FAM117B: variants seen among roughly 807,000 people sequenced by gnomAD.
FAM117B encodes family with sequence similarity 117 member B.
In FAM117B, 22 loss-of-function variants were observed where a neutral mutation model predicts 52.8. The ratio of observed to expected loss-of-function variants is 0.42; its 90% CI spans 0.30 to 0.59. The LOEUF (loss-of-function observed/expected upper bound fraction) is 0.59. Ranked by LOEUF, FAM117B falls within the 20% of genes least tolerant of loss-of-function variation. The probability of loss-of-function intolerance (pLI) is 0.22; values close to 1 mark genes in which losing one functional copy is unlikely to be tolerated. For missense variants in FAM117B, 678 were observed against 802.6 expected, an observed-to-expected ratio of 0.84 and a Z score of 1.88; for synonymous variants, 309 against 324.1, an observed-to-expected ratio of 0.95 and a Z score of 0.50.
At chr2:202,744,746 G>A (rs1343216269) in intron 4 of FAM117B, among the ~76,000 whole-genome samples, 4 of 151,946 alleles carry the variant, frequency 2.6e-5, no homozygotes, top group Non-Finnish European at 5.9e-5. Flanking sequence ...GTACAAGGTG[G>A]GCAGATCACC....
At chr2:202,743,009 A>C (rs1257836835) in intron 4 of FAM117B, among the ~76,000 whole-genome samples, 1 of 152,052 alleles carries the variant, frequency 6.6e-6, no homozygotes, top group African/African-American at 2.4e-5. Flanking sequence ...CCAACACCAC[A>C]CACAATGCCC....
At chr2:202,685,673 T>C (rs1205363589) in intron 1 of FAM117B, among the ~76,000 whole-genome samples, 1 of 152,214 alleles carries the variant, frequency 6.6e-6, no homozygotes, top group Non-Finnish European at 1.5e-5. Context: ...CCTAAGGTAA[T>C]TCAGTGGGAG....
chr2:202,673,338 A>G (rs1316544132), intron 1 of FAM117B, among the ~76,000 whole-genome samples: 9 of 151,276 alleles, frequency 5.9e-5, no homozygotes, highest in Admixed American at 5.9e-4. Context: ...TTCACCATTA[A>G]GTAGTTCCTC....
intron 1 of FAM117B, among the ~76,000 whole-genome samples, chr2:202,680,994 A>G (rs1690456281): frequency 6.6e-6 from 1 of 152,226 alleles, no homozygotes; most frequent in Admixed American, 6.5e-5. Flanking sequence ...TGTATTGTGT[A>G]TATATAGACA....
rs1000091738 is a variant in FAM117B, at chr2:202,686,091, A to G, written c.602-9790A>G. On this transcript the variant is annotated intron_variant, in intron 1 of 7. Coordinates refer to ENST00000392238, the MANE Select transcript of FAM117B (RefSeq NM_173511.4). The stretch of plus-strand genomic sequence containing the variant: ...AATTCAATAAGAAGACAAACCTATC[A>G]GTTAAAAAATGGACAATGGATTTGA... Among the ~76,000 whole-genome samples the G allele has an allele frequency of 1.7e-4, 26 of 152,382 alleles. 2 individuals carry two copies. Among genetic ancestry groups the G allele is most frequent in the South Asian group, 1.2e-3 (6 of 4,828 alleles).
At chr2:202,663,141 A>G (rs1690155494) in intron 1 of FAM117B, among the ~76,000 whole-genome samples, 2 of 152,242 alleles carry the variant, frequency 1.3e-5, no homozygotes, top group African/African-American at 4.8e-5. Flanking sequence ...CAACATTTTA[A>G]TTGCTATGTA....
In FAM117B at chr2:202,675,670, C is replaced by A. The variant is rs1474255447; in HGVS notation, c.602-20211C>A. ...CTCCTTTTTAATGTGTGAGCAGAACCTAGTGACTCAATTCTAACAAAAGAA... is the reference window on the plus strand; with the variant it reads ...CTCCTTTTTAATGTGTGAGCAGAACATAGTGACTCAATTCTAACAAAAGAA... On this transcript the variant is annotated intron_variant, in intron 1 of 7. Coordinates refer to ENST00000392238, the MANE Select transcript of FAM117B (RefSeq NM_173511.4). 2.0e-5 allele frequency among the ~76,000 whole-genome samples: 3 copies of A among 151,898 alleles called. No homozygotes were observed. In the South Asian group the frequency reaches 6.2e-4, roughly 32 times the overall value.
intron 1 of FAM117B, among the ~76,000 whole-genome samples, chr2:202,672,966 T>C (rs1361234499): frequency 6.6e-6 from 1 of 152,116 alleles, no homozygotes; most frequent in East Asian, 1.9e-4. Flanking sequence ...GCGGATTGCT[T>C]GAGCCTGGAA....
rs557687014 is a variant in FAM117B, at chr2:202,757,533, G to A, written c.1330+95G>A. 247 of 1,274,444 alleles carry A rather than the reference G, an allele frequency of 1.9e-4. 3 individuals carry two copies. The South Asian group carries it at 3.2e-3, about 17-fold the overall frequency. 78.9% of individuals were successfully genotyped at this position (1,274,444 alleles called of 1,614,324 possible). Reference sequence around the variant, plus strand: ...ATTTTCTAGCAGAACACACACACTCGAGGCTACTCAGTTAATGTGTTCAAA... The same window carrying A: ...ATTTTCTAGCAGAACACACACACTCAAGGCTACTCAGTTAATGTGTTCAAA... On this transcript the variant is annotated intron_variant, in intron 6 of 7. Coordinates refer to ENST00000392238, the MANE Select transcript of FAM117B (RefSeq NM_173511.4).
At chr2:202,659,879 A>C (rs1690104135) in intron 1 of FAM117B, among the ~76,000 whole-genome samples, 1 of 151,790 alleles carries the variant, frequency 6.6e-6, no homozygotes, top group African/African-American at 2.4e-5. Context: ...TCGGCCTCCC[A>C]AAGTGCTGGG....
chr2:202,766,069 C>T lies in FAM117B; in HGVS notation c.*305C>T. 5.6e-6 allele frequency: 1 copy of T among 179,582 alleles called. No homozygotes were observed. Among genetic ancestry groups the T allele is most frequent in the Non-Finnish European group, 1.0e-5 (1 of 98,752 alleles). 11.1% of individuals were successfully genotyped at this position (179,582 alleles called of 1,614,324 possible). ...GAATTAGACTTCTTTAAAACACACA[C>T]ACACACACACACACACACACACACA... On this transcript the variant is annotated 3_prime_UTR_variant, in exon 8 of 8. Transcript: ENST00000392238.
intron 1 of FAM117B, among the ~76,000 whole-genome samples, chr2:202,666,713 G>C (rs1690209657): frequency 7.0e-6 from 1 of 143,194 alleles, no homozygotes; most frequent in African/African-American, 2.7e-5. Context: ...CTGCTGCCCA[G>C]GCCAGAGTGC....
At chr2:202,715,678 A>G (rs1262446501) in intron 2 of FAM117B, among the ~76,000 whole-genome samples, 4 of 151,294 alleles carry the variant, frequency 2.6e-5, no homozygotes, top group Non-Finnish European at 4.4e-5. Flanking sequence ...CCCAGATGGC[A>G]TGGCGGCCGG....
In FAM117B at chr2:202,766,106, ACCC is replaced by A; in HGVS notation, c.*344_*346del. ...CACACACACACACACACACACACAC[ACCC>A]CTGATCCTTGCCAACATGATTCCTA... On this transcript the variant is annotated 3_prime_UTR_variant, in exon 8 of 8. Transcript: ENST00000392238. 1 of 167,630 alleles carries A rather than the reference ACCC, an allele frequency of 6.0e-6. No individual in the cohort carries two copies. The highest frequency in any genetic ancestry group is 2.2e-3 in the Middle Eastern group (1 of 452). The allele number at this position is 167,630 out of a possible 1,614,324, so 10.4% of individuals were successfully genotyped here.
chr2:202,696,003 G>A lies in FAM117B; in HGVS notation c.724G>A (p.Ala242Thr). The change falls in exon 2 of 8, where the codon GCA becomes ACA. Residue 242 changes from alanine (A) to threonine (T), a missense_variant. Around this residue, in one of 3 missense-constraint regions of FAM117B, gnomAD observed 583 missense variants for 644.8 expected, o/e 0.90. Coordinates refer to ENST00000392238, the MANE Select transcript of FAM117B (RefSeq NM_173511.4). ...GCCTCGGGATAGCCATGGGCAAGCT[G>A]CACCTTGCATGAGGGACAAAGCTAC... ...HWPRDSHGQAAPCMRDKATQT... is the reference protein window; with the variant it reads ...HWPRDSHGQATPCMRDKATQT... The A allele has an allele frequency of 6.2e-7, 1 of 1,614,130 alleles. No individual in the cohort carries two copies. The highest frequency in any genetic ancestry group is 8.5e-7 in the Non-Finnish European group (1 of 1,180,000).
At chr2:202,636,088 C>G (rs1299353780) in intron 1 of FAM117B, among the ~76,000 whole-genome samples, 2 of 151,204 alleles carry the variant, frequency 1.3e-5, no homozygotes, top group Admixed American at 6.6e-5. Context: ...AATGATAAAC[C>G]TGGCTTCCTG....
chr2:202,663,326 T>C (rs778610921), intron 1 of FAM117B, among the ~76,000 whole-genome samples: 8 of 152,240 alleles, frequency 5.3e-5, no homozygotes, highest in Non-Finnish European at 1.0e-4. Context: ...GAAGATATTA[T>C]GCTATGTGAC....
At chr2:202,700,215 C>T (rs1690777097) in intron 2 of FAM117B, among the ~76,000 whole-genome samples, 1 of 152,170 alleles carries the variant, frequency 6.6e-6, no homozygotes, top group African/African-American at 2.4e-5. Context: ...CATGATTGAG[C>T]TTAGAAAGCA....
rs1280804905 is a variant in FAM117B, at chr2:202,766,839, G to A, written c.*1075G>A. The stretch of plus-strand genomic sequence containing the variant: ...TGTGATGTTGTTGTCTTGTGGATTT[G>A]GTTGGGCTAGTAGTTTGCCAGGAGT... On this transcript the variant is annotated 3_prime_UTR_variant, in exon 8 of 8. Transcript: ENST00000392238. 1 of 152,278 alleles carries A rather than the reference G, an allele frequency of 6.6e-6. No individual in the cohort carries two copies. Among genetic ancestry groups the A allele is most frequent in the East Asian group, 1.9e-4 (1 of 5,184 alleles). 9.4% of individuals were successfully genotyped at this position (152,278 alleles called of 1,614,324 possible).
Sources: allele counts gnomAD v4.1 joint callset (sites outside exome capture counted in the v4.1 genomes callset), GRCh38; gene constraint gnomAD v4.1.1; regional missense constraint gnomAD v4.1.1; transcripts MANE v1.5; gene names NCBI Gene and HGNC (gene_info 2026-07-23, HGNC 2026-07-21).